CDH18: variants seen among roughly 807,000 people sequenced by gnomAD.
CDH18 encodes the protein cadherin 18, also known as cadherin-18.
A neutral mutation model predicts 67.9 loss-of-function variants in CDH18; 31 were observed. That is an observed-to-expected ratio of 0.46 (90% CI 0.34 to 0.62). CDH18 has a LOEUF of 0.62. Among genes scored for constraint, CDH18 ranks in the 20% least tolerant of loss-of-function variants. CDH18 has a pLI of 0.01. For missense variants in CDH18, 890 were observed against 975.5 expected (o/e 0.91, Z 1.17); for synonymous variants, 362 against 347.2 (o/e 1.04, Z -0.48).
chr5:19,753,139 A>C (rs1771080591), intron 3 of CDH18, among the ~76,000 whole-genome samples: 1 of 152,098 alleles, frequency 6.6e-6, no homozygotes, highest in South Asian at 2.1e-4. Flanking sequence ...ACCCCCAAAA[A>C]TCCTACTAGC....
chr5:19,837,664 T>C (rs1343311814), intron 3 of CDH18, among the ~76,000 whole-genome samples: 1 of 152,150 alleles, frequency 6.6e-6, no homozygotes, highest in Non-Finnish European at 1.5e-5. Flanking sequence ...AAAATGCAGC[T>C]GTAACCCAGT....
At chr5:20,403,317 G>A (rs887309422) in intron 1 of CDH18, among the ~76,000 whole-genome samples, 1 of 152,022 alleles carries the variant, frequency 6.6e-6, no homozygotes, top group Non-Finnish European at 1.5e-5. Flanking sequence ...GTGTGCATGT[G>A]CAGGTTTGTT....
At chr5:20,177,850 C>T (rs1737363288) in intron 2 of CDH18, among the ~76,000 whole-genome samples, 1 of 152,092 alleles carries the variant, frequency 6.6e-6, no homozygotes. Context: ...TCTCTCTTTG[C>T]TGCTGCCATC....
chr5:20,253,964 C>G (rs907844921), intron 2 of CDH18, among the ~76,000 whole-genome samples: 1 of 152,180 alleles, frequency 6.6e-6, no homozygotes, highest in Non-Finnish European at 1.5e-5. Context: ...CCAAGTTCAT[C>G]ACAAAAGAAA....
intron 11 of CDH18, among the ~76,000 whole-genome samples, chr5:19,493,647 A>C (rs1339124627): frequency 6.6e-6 from 1 of 152,088 alleles, no homozygotes; most frequent in Admixed American, 6.6e-5. Context: ...TGTATTTAAT[A>C]GACATTTCAT....
intron 2 of CDH18, among the ~76,000 whole-genome samples, chr5:20,183,072 C>T (rs1250950699): frequency 6.6e-6 from 1 of 152,068 alleles, no homozygotes; most frequent in Non-Finnish European, 1.5e-5. Flanking sequence ...ATAATTACAG[C>T]ATCTACTTCA....
intron 2 of CDH18, among the ~76,000 whole-genome samples, chr5:20,204,680 A>G (rs1260013916): frequency 6.6e-6 from 1 of 152,024 alleles, no homozygotes; most frequent in Non-Finnish European, 1.5e-5. Flanking sequence ...TAAAAATAAG[A>G]GTAGCTACAG....
chr5:20,392,820 C>T (rs1744980622), intron 1 of CDH18, among the ~76,000 whole-genome samples: 1 of 151,772 alleles, frequency 6.6e-6, no homozygotes, highest in East Asian at 1.9e-4. Context: ...AGTGAACATA[C>T]CTTATTTTGG....
chr5:19,615,415 C>T (rs903095937), intron 5 of CDH18, among the ~76,000 whole-genome samples: 2 of 152,098 alleles, frequency 1.3e-5, no homozygotes, highest in African/African-American at 2.4e-5. Context: ...GGTCCTTTCA[C>T]TGTAAAATTG....
At chr5:19,770,626 AAAAG>A (rs1773624647) in intron 3 of CDH18, among the ~76,000 whole-genome samples, 1 of 151,762 alleles carries the variant, frequency 6.6e-6, no homozygotes, top group Non-Finnish European at 1.5e-5. Context: ...AAAAAGGAAA[AAAAG>A]AAAAGGAAGA....
At chr5:20,193,104 T>C (rs1738678617) in intron 2 of CDH18, among the ~76,000 whole-genome samples, 1 of 152,130 alleles carries the variant, frequency 6.6e-6, no homozygotes, top group African/African-American at 2.4e-5. Flanking sequence ...TGTATTCTCT[T>C]TGTAGCAATT....
intron 1 of CDH18, among the ~76,000 whole-genome samples, chr5:20,279,039 T>C (rs1056803019): frequency 1.9e-4 from 29 of 151,246 alleles, no homozygotes; most frequent in Admixed American, 4.0e-4. Flanking sequence ...ATAGCAGGAG[T>C]AAGTCCTTCC....
At chr5:20,143,623 C>T (rs1750414774) in intron 2 of CDH18, among the ~76,000 whole-genome samples, 3 of 152,058 alleles carry the variant, frequency 2.0e-5, no homozygotes, top group Admixed American at 6.6e-5. Context: ...TCTGTCTTGG[C>T]CTCTGAAAAT....
intron 2 of CDH18, among the ~76,000 whole-genome samples, chr5:19,932,595 C>A (rs1053235007): frequency 2.0e-5 from 3 of 151,692 alleles, no homozygotes; most frequent in African/African-American, 7.3e-5. Flanking sequence ...TTACAAGCAT[C>A]ACCTTTTCCC....
chr5:19,648,364 G>A (rs886236831), intron 5 of CDH18, among the ~76,000 whole-genome samples: 8 of 152,086 alleles, frequency 5.3e-5, no homozygotes, highest in East Asian at 1.9e-4. Flanking sequence ...ACAGTGAGCC[G>A]AGATCATGCC....
At chr5:19,893,278 C>A (rs960850896) in intron 2 of CDH18, among the ~76,000 whole-genome samples, 2 of 152,060 alleles carry the variant, frequency 1.3e-5, no homozygotes, top group Non-Finnish European at 2.9e-5. Context: ...TATGCAGCAA[C>A]AAGAAACTGA....
intron 3 of CDH18, among the ~76,000 whole-genome samples, chr5:19,831,244 CA>C (rs1780992712): frequency 6.6e-6 from 1 of 152,002 alleles, no homozygotes; most frequent in East Asian, 1.9e-4. Flanking sequence ...AAAGCAATCA[CA>C]AAACAAAACA....
At chr5:20,055,483 G>A (rs1396816888) in intron 2 of CDH18, among the ~76,000 whole-genome samples, 1 of 152,162 alleles carries the variant, frequency 6.6e-6, no homozygotes, top group African/African-American at 2.4e-5. Flanking sequence ...GATGAGTTCT[G>A]CAAAGATGCT....
At chr5:19,594,782 T>C (rs1431250815) in intron 6 of CDH18, among the ~76,000 whole-genome samples, 1 of 152,166 alleles carries the variant, frequency 6.6e-6, no homozygotes, top group Non-Finnish European at 1.5e-5. Context: ...TTTACTGTAC[T>C]TGTAGAGTTA....
Sources: allele counts gnomAD v4.1 joint callset (sites outside exome capture counted in the v4.1 genomes callset), GRCh38; gene constraint gnomAD v4.1.1; transcripts MANE v1.5; gene names NCBI Gene and HGNC (gene_info 2026-07-23, HGNC 2026-07-21).